TNRC6B: variants seen among roughly 807,000 people sequenced by gnomAD.
TNRC6B encodes the protein trinucleotide repeat containing adaptor 6B, also known as trinucleotide repeat-containing gene 6B protein.
A neutral mutation model predicts 203.6 loss-of-function variants in TNRC6B; 52 were observed. The ratio of observed to expected loss-of-function variants is 0.26; its 90% CI spans 0.20 to 0.32. The LOEUF (loss-of-function observed/expected upper bound fraction) is 0.32. Ranked by LOEUF, TNRC6B falls within the 10% of genes least tolerant of loss-of-function variation. The pLI is 1.00. For synonymous variants in TNRC6B, 838 were observed against 845.7 expected (o/e 0.99, Z 0.16); for missense variants, 1,923 against 2,286.2 (o/e 0.84, Z 3.24).
chr22:40,155,526 A>G (rs1257882350), intron 3 of TNRC6B, among the ~76,000 whole-genome samples: 1 of 152,024 alleles, frequency 6.6e-6, no homozygotes, highest in African/African-American at 2.4e-5. Flanking sequence ...TGACCTCATG[A>G]TCTGCCCGCT....
chr22:40,208,419 A>G (rs1409340686), intron 1 of TNRC6B, among the ~76,000 whole-genome samples: 1 of 152,244 alleles, frequency 6.6e-6, no homozygotes, highest in Non-Finnish European at 1.5e-5. Context: ...TCAGTAGGCA[A>G]ATGTATAAAT....
At chr22:40,308,711 TA>T in intron 16 of TNRC6B, 62 bp downstream of exon 16, 3 of 1,530,496 alleles carry the variant, frequency 2.0e-6, no homozygotes, top group Non-Finnish European at 2.6e-6. Flanking sequence ...AAACATCTTA[TA>T]AGACTATTTT....
In TNRC6B at chr22:40,266,479, G is replaced by A. The variant is rs764891682; in HGVS notation, c.2249G>A (p.Gly750Glu). 2 of 1,613,724 alleles carry A rather than the reference G, an allele frequency of 1.2e-6. No homozygotes were observed. Among genetic ancestry groups the A allele is most frequent in the African/African-American group, 1.3e-5 (1 of 74,922 alleles). ...TGGTCTTCTGGAAAGAATGGTTGGG[G>A]GGAGGAAGTCGATCAGACAAAAAAC... ...QGWSSGKNGWGEEVDQTKNSN... is the reference protein window; with the variant it reads ...QGWSSGKNGWEEEVDQTKNSN... Residue 750 changes from glycine (G) to glutamate (E), a missense_variant, in exon 5 of 23, where the codon GGG (glycine) becomes GAG (glutamate). By Grantham distance (98) the Gly-to-Glu change is moderately conservative. Around this residue, in one of 8 missense-constraint regions of TNRC6B, gnomAD observed 599 missense variants for 656.5 expected, o/e 0.91. Coordinates refer to ENST00000454349, the MANE Select transcript of TNRC6B (RefSeq NM_001162501.2).
chr22:40,146,545 C>A (rs1454785859), intron 3 of TNRC6B, among the ~76,000 whole-genome samples: 2 of 150,484 alleles, frequency 1.3e-5, no homozygotes, highest in African/African-American at 4.9e-5. Context: ...CAGGCATGTG[C>A]CACCACGCCC....
intron 1 of TNRC6B, among the ~76,000 whole-genome samples, chr22:40,245,341 T>G (rs982337942): frequency 1.3e-5 from 2 of 152,136 alleles, no homozygotes; most frequent in African/African-American, 2.4e-5. Flanking sequence ...TCTGTCTGCC[T>G]CAGCCTCCCA....
intron 3 of TNRC6B, among the ~76,000 whole-genome samples, chr22:40,129,813 A>G (rs2068525555): frequency 6.6e-6 from 1 of 152,210 alleles, no homozygotes; most frequent in African/African-American, 2.4e-5. Context: ...GGAAGTATAG[A>G]TGAAGCAGGA....
chr22:40,075,156 A>ATTTTTTTTTTTTTT (rs58240994), intron 1 of TNRC6B, among the ~76,000 whole-genome samples: 13 of 35,560 alleles, frequency 3.7e-4, no homozygotes, highest in Admixed American at 9.7e-4. Context: ...ATATATATAT[A>ATTTTTTTTTTTTTT]TTTTTTTTTT....
intron 1 of TNRC6B, among the ~76,000 whole-genome samples, chr22:40,203,882 G>A (rs747400181): frequency 1.3e-5 from 2 of 152,144 alleles, no homozygotes; most frequent in Non-Finnish European, 2.9e-5. Flanking sequence ...GTCCAGCATC[G>A]GCGTGGGCCT....
intron 2 of TNRC6B, among the ~76,000 whole-genome samples, chr22:40,120,012 T>G (rs756777262): frequency 3.3e-5 from 5 of 152,154 alleles, no homozygotes; most frequent in Non-Finnish European, 7.4e-5. Context: ...AATATGACAT[T>G]TAGTAAGTGG....
rs1023689451 is a variant in TNRC6B, at chr22:40,279,989, T to C, written c.3263-6T>C. On this transcript the variant is annotated splice_region_variant and splice_polypyrimidine_tract_variant and intron_variant, in intron 9 of 22. Transcript: ENST00000454349. Reference sequence around the variant, plus strand: ...AAATTTTCACTCTGTGTATGCTACTTTTCAGGAAGCCTTTCAGATAAAAAA... The same window carrying C: ...AAATTTTCACTCTGTGTATGCTACTCTTCAGGAAGCCTTTCAGATAAAAAA... 6.2e-7 allele frequency: 1 copy of C among 1,613,814 alleles called. No homozygotes were observed. Among genetic ancestry groups the C allele is most frequent in the Non-Finnish European group, 8.5e-7 (1 of 1,179,780 alleles).
At chr22:40,220,700 G>A (rs1389661935) in intron 1 of TNRC6B, among the ~76,000 whole-genome samples, 6 of 152,134 alleles carry the variant, frequency 3.9e-5, no homozygotes, top group Admixed American at 2.0e-4. Context: ...AAAGATGCAC[G>A]TAAAACAGTG....
chr22:40,239,687 C>T (rs569592183), intron 1 of TNRC6B, among the ~76,000 whole-genome samples: 3 of 152,240 alleles, frequency 2.0e-5, no homozygotes, highest in Admixed American at 6.5e-5. Context: ...TGCATGGTCT[C>T]GGACCATTGG....
At chr22:40,085,210 C>G (rs1375372849) in intron 1 of TNRC6B, among the ~76,000 whole-genome samples, 1 of 152,064 alleles carries the variant, frequency 6.6e-6, no homozygotes, top group Admixed American at 6.5e-5. Flanking sequence ...TGACTGCAGC[C>G]CCTCACACGT....
chr22:40,088,584 T>TTGTGTGTG (rs58537972), intron 1 of TNRC6B, among the ~76,000 whole-genome samples: 13,242 of 125,026 alleles, frequency 0.11, 816 homozygotes, highest in Non-Finnish European at 0.11. Flanking sequence ...GCGGCTACTT[T>TTGTGTGTG]TGTGTGTGTG....
At chr22:40,125,844 G>A (rs757619265) in exon 3 of TNRC6B, 19 of 1,612,222 alleles carry the variant, frequency 1.2e-5, no homozygotes, top group South Asian at 6.6e-5. Context: ...GAGAAGTATC[G>A]GAAGAAAGCA....
rs200118195 is a variant in TNRC6B at position 40,203,357 on chromosome 22, A to T, written c.5+25217A>T. On this transcript the variant is annotated intron_variant, in intron 1 of 22. Coordinates refer to ENST00000454349, the MANE Select transcript of TNRC6B (RefSeq NM_001162501.2). ...CCCACTTTGCTCTTTCCATCATTTC[A>T]TGTCCTGCCATTTGCCCTTCCGTAA... is the stretch of plus-strand genomic sequence containing the variant. 7.2e-5 allele frequency among the ~76,000 whole-genome samples: 11 copies of T among 152,084 alleles called. No homozygotes were observed. The East Asian group carries it at 1.9e-3, about 27-fold the overall frequency.
At chr22:40,166,542 G>GT (rs1202072929) in intron 4 of TNRC6B, among the ~76,000 whole-genome samples, 1 of 151,358 alleles carries the variant, frequency 6.6e-6, no homozygotes, top group Non-Finnish European at 1.5e-5. Context: ...ACCAAAATAT[G>GT]TTTTTTGTTA....
intron 9 of TNRC6B, 53 bp from the exon 10 acceptor site, chr22:40,279,942 A>G: frequency 6.3e-7 from 1 of 1,584,832 alleles, no homozygotes; most frequent in Non-Finnish European, 8.7e-7. Context: ...CTCTTGGTTC[A>G]TGGGGGAAAC....
intron 3 of TNRC6B, among the ~76,000 whole-genome samples, 196 bp from the exon 4 acceptor site, chr22:40,261,636 C>T (rs1211995435): frequency 1.3e-5 from 2 of 151,872 alleles, no homozygotes; most frequent in Non-Finnish European, 2.9e-5. Context: ...CTTGGCCAGG[C>T]ACAGTGGCTC....
Sources: allele counts gnomAD v4.1 joint callset (sites outside exome capture counted in the v4.1 genomes callset), GRCh38; gene constraint gnomAD v4.1.1; regional missense constraint gnomAD v4.1.1; transcripts MANE v1.5; gene names NCBI Gene and HGNC (gene_info 2026-07-23, HGNC 2026-07-21).